The following CDKAL1 variants were observed in gnomAD, a reference collection of about 807,000 sequenced individuals.
CDKAL1 encodes CDKAL1 threonylcarbamoyladenosine tRNA methylthiotransferase.
A neutral mutation model predicts 68.2 loss-of-function variants in CDKAL1; 32 were observed. The ratio of observed to expected loss-of-function variants is 0.47; its 90% CI spans 0.35 to 0.63. CDKAL1 has a LOEUF of 0.63. Ranked by LOEUF, CDKAL1 falls within the 30% of genes least tolerant of loss-of-function variation. CDKAL1 has a pLI of 0.00. For synonymous variants in CDKAL1, 234 were observed against 244.3 expected (o/e 0.96, Z 0.39); for missense variants, 606 against 696.7 (o/e 0.87, Z 1.47).
chr6:21,130,126 T>C (rs1775226457), intron 13 of CDKAL1, among the ~76,000 whole-genome samples: 1 of 152,182 alleles, frequency 6.6e-6, no homozygotes, highest in Admixed American at 6.5e-5. Context: ...TGATTTTTAA[T>C]GTTTGCATTT....
intron 8 of CDKAL1, among the ~76,000 whole-genome samples, chr6:20,843,669 T>C (rs1344171273): frequency 1.3e-5 from 2 of 152,144 alleles, no homozygotes; most frequent in Non-Finnish European, 2.9e-5. Context: ...TGAGGTCAGG[T>C]GTGGAATTTT....
chr6:21,189,386 T>G (rs759762062), intron 13 of CDKAL1, among the ~76,000 whole-genome samples: 4 of 152,264 alleles, frequency 2.6e-5, no homozygotes, highest in Admixed American at 6.5e-5. Context: ...CTTAAAAATA[T>G]GGCTACTCCA....
At chr6:20,600,469 C>T (rs551631490) in intron 4 of CDKAL1, among the ~76,000 whole-genome samples, 7 of 151,996 alleles carry the variant, frequency 4.6e-5, no homozygotes, top group East Asian at 1.9e-4. Context: ...CCCTTGAAGA[C>T]GCCTCTGTAT....
chr6:21,121,135 A>T (rs1303742275), intron 13 of CDKAL1, among the ~76,000 whole-genome samples: 3 of 152,160 alleles, frequency 2.0e-5, no homozygotes, highest in African/African-American at 7.2e-5. Flanking sequence ...TAACTTTTAA[A>T]ATCTTTCCCT....
At chr6:20,984,273 C>T (rs1361957012) in intron 10 of CDKAL1, among the ~76,000 whole-genome samples, 1 of 152,132 alleles carries the variant, frequency 6.6e-6, no homozygotes, top group East Asian at 1.9e-4. Context: ...TCAGCAGGGG[C>T]AGAGTCTACT....
intron 8 of CDKAL1, among the ~76,000 whole-genome samples, chr6:20,834,425 TCTC>T (rs1406866678): frequency 6.6e-6 from 1 of 152,300 alleles, no homozygotes; most frequent in East Asian, 1.9e-4. Context: ...TCCAATCTCA[TCTC>T]CTATGGAATT....
chr6:20,672,881 A>T (rs536600537), intron 5 of CDKAL1, among the ~76,000 whole-genome samples: 64 of 151,966 alleles, frequency 4.2e-4, no homozygotes, highest in African/African-American at 1.4e-3. Flanking sequence ...GGTTCAAGTG[A>T]TTCTCCTGCC....
At chr6:20,599,401 T>A (rs1352044542) in intron 4 of CDKAL1, 2 of 453,008 alleles carry the variant, frequency 4.4e-6, no homozygotes, top group Admixed American at 4.7e-5. Flanking sequence ...TTGCTTCGTC[T>A]TCAAAGTAGA....
chr6:20,996,257 A>C (rs141045782), intron 10 of CDKAL1, among the ~76,000 whole-genome samples: 1 of 152,324 alleles, frequency 6.6e-6, no homozygotes, highest in Non-Finnish European at 1.5e-5. Flanking sequence ...ATCATTCATG[A>C]GTTCACTGGA....
At chr6:20,825,091 T>C (rs936969554) in intron 8 of CDKAL1, among the ~76,000 whole-genome samples, 2 of 152,086 alleles carry the variant, frequency 1.3e-5, no homozygotes, top group Non-Finnish European at 2.9e-5. Flanking sequence ...CTTGGTATTA[T>C]CTGAAATGAT....
intron 4 of CDKAL1, among the ~76,000 whole-genome samples, chr6:20,628,136 T>C (rs1384788546): frequency 6.6e-6 from 1 of 152,122 alleles, no homozygotes; most frequent in Non-Finnish European, 1.5e-5. Flanking sequence ...CTATGTTGAG[T>C]ATGAGTGGTG....
intron 15 of CDKAL1, among the ~76,000 whole-genome samples, chr6:21,214,281 A>AC (rs1348804531): frequency 6.6e-6 from 1 of 151,994 alleles, no homozygotes; most frequent in African/African-American, 2.4e-5. Context: ...ATGCCACTAA[A>AC]TTGTGTACTT....
At chr6:20,965,493 A>C (rs887514289) in intron 10 of CDKAL1, among the ~76,000 whole-genome samples, 10 of 152,230 alleles carry the variant, frequency 6.6e-5, no homozygotes, top group East Asian at 5.8e-4. Context: ...GTCTCTCTCT[A>C]TGTATATTTT....
At chr6:20,746,989 A>G (rs1284826877) in intron 6 of CDKAL1, among the ~76,000 whole-genome samples, 1 of 151,762 alleles carries the variant, frequency 6.6e-6, no homozygotes, top group Non-Finnish European at 1.5e-5. Context: ...TCTACTTCAC[A>G]TTTTTCTCCC....
chr6:21,045,207 A>G (rs1343310309), intron 11 of CDKAL1, among the ~76,000 whole-genome samples: 1 of 152,232 alleles, frequency 6.6e-6, no homozygotes, highest in Non-Finnish European at 1.5e-5. Flanking sequence ...TTTTATGGTC[A>G]TTAGCTAGAT....
chr6:20,824,773 C>T (rs1777432309), intron 8 of CDKAL1, among the ~76,000 whole-genome samples: 1 of 151,962 alleles, frequency 6.6e-6, no homozygotes, highest in Non-Finnish European at 1.5e-5. Flanking sequence ...TCCGCAAGGG[C>T]GTAATTCCAG....
chr6:21,152,752 AAAACTGAATTACTTTTTGTCTTTT>A (rs1776470134), intron 13 of CDKAL1, among the ~76,000 whole-genome samples: 1 of 152,210 alleles, frequency 6.6e-6, no homozygotes, highest in Admixed American at 6.5e-5. Flanking sequence ...CTGGTTTTCA[AAAACTGAATTACTTTTTGTCTTTT>A]GTGATCTTTG....
intron 9 of CDKAL1, among the ~76,000 whole-genome samples, chr6:20,873,976 G>A (rs2150547804): frequency 6.6e-6 from 1 of 152,312 alleles, no homozygotes; most frequent in Non-Finnish European, 1.5e-5. Flanking sequence ...TGTGTGGAAG[G>A]TGCTTAAGGG....
chr6:20,589,782 T>G (rs766573200), intron 4 of CDKAL1, among the ~76,000 whole-genome samples: 2 of 152,230 alleles, frequency 1.3e-5, no homozygotes, highest in Non-Finnish European at 2.9e-5. Context: ...AGTGAAGTGC[T>G]AAAAATGATG....
Sources: allele counts gnomAD v4.1 joint callset (sites outside exome capture counted in the v4.1 genomes callset), GRCh38; gene constraint gnomAD v4.1.1; transcripts MANE v1.5; gene names NCBI Gene and HGNC (gene_info 2026-07-23, HGNC 2026-07-21).